The following KCNH8 variants were observed in gnomAD, a reference collection of about 807,000 sequenced individuals.
KCNH8 encodes potassium voltage-gated channel subfamily H member 8.
In KCNH8, 70 loss-of-function variants were observed where a neutral mutation model predicts 103.6. The ratio of observed to expected loss-of-function variants is 0.68; its 90% confidence interval spans 0.56 to 0.82. KCNH8 has a LOEUF of 0.82. KCNH8 is among the 40% of genes least tolerant of loss of function. KCNH8 has a pLI of 0.00. For missense variants in KCNH8, 1,217 were observed against 1,329.9 expected (o/e 0.92, Z 1.32); for synonymous variants, 498 against 489.4 (o/e 1.02, Z -0.23).
intron 5 of KCNH8, among the ~76,000 whole-genome samples, chr3:19,389,093 G>A (rs2066397647): frequency 6.6e-6 from 1 of 152,062 alleles, no homozygotes; most frequent in South Asian, 2.1e-4. Context: ...ACTTCACAAG[G>A]CTATACTGAG....
rs534036161 is a variant in KCNH8, at chr3:19,441,449, G to A, written c.1375+3088G>A. Among the ~76,000 whole-genome samples, 49 of 152,270 alleles carry A rather than the reference G, an allele frequency of 3.2e-4. No individual in the cohort carries two copies. In the South Asian group the frequency reaches 8.5e-3, roughly 26 times the overall value. On this transcript the variant is annotated intron_variant, in intron 8 of 15. Coordinates refer to ENST00000328405, the MANE Select transcript of KCNH8 (RefSeq NM_144633.3). ...CTTTCTTCTAAATCTTCCAACTGAT[G>A]CAGATTGATATTATCCACATTTTTC...
intron 11 of KCNH8, among the ~76,000 whole-genome samples, chr3:19,485,618 G>A (rs941129427): frequency 2.0e-5 from 3 of 152,076 alleles, no homozygotes; most frequent in Non-Finnish European, 4.4e-5. Context: ...TTTATTACTT[G>A]CCCCCTTTCT....
At chr3:19,334,234 G>C (rs145675027) in intron 3 of KCNH8, among the ~76,000 whole-genome samples, 72 of 152,256 alleles carry the variant, frequency 4.7e-4, no homozygotes, top group African/African-American at 1.7e-3. Flanking sequence ...AGGTACACTC[G>C]CAGCAGCTAT....
intron 11 of KCNH8, among the ~76,000 whole-genome samples, chr3:19,503,473 G>A (rs2068629787): frequency 2.0e-5 from 3 of 152,102 alleles, no homozygotes; most frequent in Admixed American, 6.6e-5. Flanking sequence ...AAAGACACAT[G>A]CACACGTATG....
At chr3:19,349,370 T>A (rs2065769601) in intron 5 of KCNH8, among the ~76,000 whole-genome samples, 1 of 152,004 alleles carries the variant, frequency 6.6e-6, no homozygotes, top group African/African-American at 2.4e-5. Context: ...CACCCACCCA[T>A]GATGCACACA....
intron 1 of KCNH8, among the ~76,000 whole-genome samples, chr3:19,190,138 A>G (rs1310155204): frequency 2.0e-5 from 3 of 152,022 alleles, no homozygotes; most frequent in Non-Finnish European, 4.4e-5. Flanking sequence ...GTAGTTAAGT[A>G]AACATGTTAA....
At chr3:19,361,576 G>T (rs1015826840) in intron 5 of KCNH8, among the ~76,000 whole-genome samples, 3 of 152,054 alleles carry the variant, frequency 2.0e-5, no homozygotes, top group Non-Finnish European at 4.4e-5. Flanking sequence ...AAACACATGG[G>T]TTTGACTTTA....
chr3:19,265,342 C>T (rs574992484), intron 2 of KCNH8, among the ~76,000 whole-genome samples: 3 of 152,086 alleles, frequency 2.0e-5, no homozygotes, highest in Non-Finnish European at 4.4e-5. Flanking sequence ...TAAAAAGTTG[C>T]TAAAAATTTC....
Position 19,281,276 on chromosome 3 carries a change from T to C in KCNH8, c.389T>C (p.Phe130Ser), listed in dbSNP as rs1360005489. 6 of 1,611,734 alleles carry C rather than the reference T, an allele frequency of 3.7e-6. No homozygotes were observed. The highest frequency in any genetic ancestry group is 4.2e-6 in the Non-Finnish European group (5 of 1,178,466). ...KGDVVLFLAS[F>S]KDITDTKVKI... The stretch of plus-strand genomic sequence containing the variant: ...GATGTAGTACTTTTTCTGGCCTCGT[T>C]CAAAGATATAACAGATACAAAAGTG... Residue 130 changes from phenylalanine (F) to serine (S), a missense_variant, in exon 3 of 16, where the codon TTC (phenylalanine) becomes TCC (serine). Phe to Ser is a radical substitution (Grantham distance 155). Transcript: ENST00000328405.
intron 7 of KCNH8, among the ~76,000 whole-genome samples, chr3:19,422,629 T>C (rs1301157979): frequency 6.6e-6 from 1 of 152,108 alleles, no homozygotes; most frequent in African/African-American, 2.4e-5. Context: ...ATGCAAAGCA[T>C]GGGTAGCTAT....
chr3:19,375,011 T>C (rs368124331), intron 5 of KCNH8, among the ~76,000 whole-genome samples: 25 of 151,818 alleles, frequency 1.6e-4, no homozygotes, highest in African/African-American at 4.8e-4. Context: ...GAGGGTAACC[T>C]GACCTTTCTC....
At chr3:19,529,248 G>C (rs1196224058) in intron 15 of KCNH8, among the ~76,000 whole-genome samples, 1 of 152,166 alleles carries the variant, frequency 6.6e-6, no homozygotes, top group African/African-American at 2.4e-5. Context: ...GTTGAGGTAA[G>C]TGGGAAAACT....
intron 1 of KCNH8, among the ~76,000 whole-genome samples, chr3:19,160,630 T>G (rs534056651): frequency 3.9e-5 from 6 of 152,310 alleles, no homozygotes; most frequent in South Asian, 4.1e-4. Context: ...TCAATTATGT[T>G]CTGTGAGCTG....
At chr3:19,422,545 A>C (rs1316030943) in intron 7 of KCNH8, among the ~76,000 whole-genome samples, 1 of 152,156 alleles carries the variant, frequency 6.6e-6, no homozygotes, top group African/African-American at 2.4e-5. Flanking sequence ...GAGTTAGCTT[A>C]CCTACAGATA....
intron 3 of KCNH8, among the ~76,000 whole-genome samples, chr3:19,306,154 T>G (rs1181675184): frequency 1.3e-5 from 2 of 152,034 alleles, no homozygotes; most frequent in Non-Finnish European, 2.9e-5. Flanking sequence ...AAGAAAAATG[T>G]TCAGGTCAAA....
intron 3 of KCNH8, among the ~76,000 whole-genome samples, chr3:19,304,867 A>T (rs1031131585): frequency 7.9e-5 from 12 of 152,060 alleles, no homozygotes; most frequent in African/African-American, 2.7e-4. Context: ...TTTAAAGGCA[A>T]ATGTGAAAAG....
At chr3:19,486,186 G>A (rs2068203761) in intron 11 of KCNH8, among the ~76,000 whole-genome samples, 1 of 152,164 alleles carries the variant, frequency 6.6e-6, no homozygotes, top group African/African-American at 2.4e-5. Flanking sequence ...TGGTCCTGAA[G>A]GTCAGGTCTG....
chr3:19,338,006 G>T (rs952017511), intron 3 of KCNH8, among the ~76,000 whole-genome samples: 1 of 151,760 alleles, frequency 6.6e-6, no homozygotes, highest in African/African-American at 2.4e-5. Flanking sequence ...AGGCGGGGGG[G>T]GGAGAAAGAG....
rs534806706 is a variant in KCNH8, at chr3:19,195,424, G to T, written c.76+46629G>T. On this transcript the variant is annotated intron_variant, in intron 1 of 15. Transcript: ENST00000328405. ...TCCCATACCCCTTTTTTCCCTCACA[G>T]TATATTCATGTTGACAGGGTAGATG... Among the ~76,000 whole-genome samples, 172 of 151,840 alleles carry T rather than the reference G, an allele frequency of 1.1e-3. 4 individuals are homozygous for T. The highest frequency in any genetic ancestry group is 3.7e-3 in the African/African-American group (153 of 41,468).
Sources: allele counts gnomAD v4.1 joint callset (sites outside exome capture counted in the v4.1 genomes callset), GRCh38; gene constraint gnomAD v4.1.1; transcripts MANE v1.5; gene names NCBI Gene and HGNC (gene_info 2026-07-23, HGNC 2026-07-21).